The following ARL13B variants were observed in gnomAD, a reference collection of about 807,000 sequenced individuals.
The protein encoded by ARL13B is ADP-ribosylation factor-like protein 13B.
A neutral mutation model predicts 56.1 loss-of-function variants in ARL13B; 36 were observed. That is an observed-to-expected ratio of 0.64 (90% CI 0.49 to 0.85). The LOEUF is 0.85. ARL13B is among the 40% of genes least tolerant of loss of function. The pLI, the probability that ARL13B is intolerant of heterozygous loss-of-function variation, is 0.00. For missense variants in ARL13B, 519 were observed against 507.1 expected, an observed-to-expected ratio of 1.02 and a Z score of -0.23; for synonymous variants, 178 against 171.1, an observed-to-expected ratio of 1.04 and a Z score of -0.32.
At chr3:93,984,568 C>T (rs1435325356) in intron 1 of ARL13B, among the ~76,000 whole-genome samples, 1 of 151,952 alleles carries the variant, frequency 6.6e-6, no homozygotes, top group Non-Finnish European at 1.5e-5. Flanking sequence ...GAGAGGAAGG[C>T]ACACGTGTAA....
At chr3:94,038,592 C>T (rs922964624) in intron 5 of ARL13B, among the ~76,000 whole-genome samples, 1 of 136,524 alleles carries the variant, frequency 7.3e-6, no homozygotes, top group African/African-American at 2.8e-5. Flanking sequence ...GGCGCAGTCT[C>T]GGCGCACTGC....
chr3:94,022,562 T>C (rs2076470880), intron 3 of ARL13B, among the ~76,000 whole-genome samples: 1 of 152,204 alleles, frequency 6.6e-6, no homozygotes, highest in Admixed American at 6.5e-5. Flanking sequence ...ATCAATATTT[T>C]GTGTTTACAT....
Position 94,036,609 on chromosome 3 carries a change from G to A in ARL13B, c.544G>A (p.Gly182Ser). The change falls in exon 5 of 10, where the codon GGC becomes AGC. Residue 182 changes from glycine (G) to serine (S), a missense_variant. Gly to Ser is a moderately conservative substitution (Grantham distance 56). Coordinates refer to ENST00000394222, the MANE Select transcript of ARL13B (RefSeq NM_001174150.2). ...GKKIDKSIKKGLYWLLHVIAR... is the reference protein window; with the variant it reads ...GKKIDKSIKKSLYWLLHVIAR... ...GAAAATTGACAAGTCCATTAAAAAAGGCCTTTATTGGCTGCTACATGTTAT... is the reference window on the plus strand; with the variant it reads ...GAAAATTGACAAGTCCATTAAAAAAAGCCTTTATTGGCTGCTACATGTTAT... 1 of 1,613,880 alleles carries A rather than the reference G, an allele frequency of 6.2e-7. No individual in the cohort carries two copies.
rs145164669 is a variant in ARL13B at position 93,984,121 on chromosome 3, T to C, written c.59+3639T>C. ...CTGTAGTCCCAGCACTTTGGGAGGC[T>C]GAGGTGGGCAGATCACTTGAGGTCA... On this transcript the variant is annotated intron_variant, in intron 1 of 9. Coordinates refer to ENST00000394222, the MANE Select transcript of ARL13B (RefSeq NM_001174150.2). Among the ~76,000 whole-genome samples, 803 of 152,274 alleles carry C rather than the reference T, an allele frequency of 5.3e-3. 8 individuals carry two copies. The highest frequency in any genetic ancestry group is 8.3e-3 in the Non-Finnish European group (567 of 68,008).
chr3:93,997,365 A>G (rs1459219999), intron 2 of ARL13B, among the ~76,000 whole-genome samples: 2 of 152,186 alleles, frequency 1.3e-5, no homozygotes, highest in African/African-American at 2.4e-5. Context: ...GCAGTAAGAT[A>G]TCATGCTTAC....
chr3:94,010,584 TG>T (rs2076207998), intron 3 of ARL13B, among the ~76,000 whole-genome samples: 1 of 152,070 alleles, frequency 6.6e-6, no homozygotes. Flanking sequence ...GAAAAAATAA[TG>T]ACTTTTAGTG....
At chr3:93,997,417 C>G (rs1343675728) in intron 2 of ARL13B, among the ~76,000 whole-genome samples, 1 of 152,152 alleles carries the variant, frequency 6.6e-6, no homozygotes, top group Non-Finnish European at 1.5e-5. Flanking sequence ...GGTTGCAAAA[C>G]TCACTGTTGG....
intron 3 of ARL13B, chr3:94,028,298 A>G (rs1340380996): frequency 6.6e-6 from 1 of 152,206 alleles, no homozygotes; most frequent in Non-Finnish European, 1.5e-5. Flanking sequence ...TTTTAAATGT[A>G]ACAGTGTAAC....
intron 3 of ARL13B, chr3:94,014,592 T>C (rs2076288025): frequency 6.2e-7 from 1 of 1,612,778 alleles, no homozygotes; most frequent in African/African-American, 1.3e-5. Context: ...TTAAATCCTT[T>C]ATTTGGTTCT....
intron 4 of ARL13B, among the ~76,000 whole-genome samples, chr3:94,036,043 A>G (rs1455946263): frequency 6.6e-6 from 1 of 152,196 alleles, no homozygotes; most frequent in Non-Finnish European, 1.5e-5. Context: ...ACTGCACTCC[A>G]GCCTGGCCAA....
At chr3:93,985,007 CTCAATCAATCAA>C (rs71621580) in intron 1 of ARL13B, among the ~76,000 whole-genome samples, 1 of 150,794 alleles carries the variant, frequency 6.6e-6, no homozygotes, top group African/African-American at 2.4e-5. Flanking sequence ...GAAACCCTGT[CTCAATCAATCAA>C]TCAATCAATC....
chr3:94,015,177 T>G, intron 3 of ARL13B: 1 of 1,613,840 alleles, frequency 6.2e-7, no homozygotes, highest in Non-Finnish European at 8.5e-7. Context: ...GAAACACCCC[T>G]TGTTCCTCTG....
Position 94,043,050 on chromosome 3 carries a change from A to C in ARL13B, c.834A>C (p.Gln278His), listed in dbSNP as rs772186970. 1 of 1,611,306 alleles carries C rather than the reference A, an allele frequency of 6.2e-7. No individual in the cohort carries two copies. The highest frequency in any genetic ancestry group is 1.7e-4 in the Middle Eastern group (1 of 6,054). Reference sequence around the variant, plus strand: ...AACTTGAAAGAGAGAAAAAAAACCAAAAAATGGAGAAAGACAGTGATGGCT... The same window carrying C: ...AACTTGAAAGAGAGAAAAAAAACCACAAAATGGAGAAAGACAGTGATGGCT... ...EGKLEREKKN[Q>H]KMEKDSDGCH... Residue 278 changes from glutamine (Q) to histidine (H), a missense_variant, in exon 7 of 10, where the codon CAA becomes CAC. Coordinates refer to ENST00000394222, the MANE Select transcript of ARL13B (RefSeq NM_001174150.2).
At chr3:93,985,800 G>T (rs1349608838) in intron 1 of ARL13B, among the ~76,000 whole-genome samples, 1 of 152,062 alleles carries the variant, frequency 6.6e-6, no homozygotes, top group Non-Finnish European at 1.5e-5. Flanking sequence ...GTCCATCTGT[G>T]TTTTTTCAGC....
At chr3:94,035,941 G>A (rs2076759801) in intron 4 of ARL13B, among the ~76,000 whole-genome samples, 1 of 152,042 alleles carries the variant, frequency 6.6e-6, no homozygotes, top group Admixed American at 6.6e-5. Flanking sequence ...GTGTGGTAGT[G>A]TGTTCCTGTA....
chr3:93,996,606 A>G (rs1165694230), intron 2 of ARL13B: 9 of 441,694 alleles, frequency 2.0e-5, no homozygotes, highest in African/African-American at 1.4e-4. Context: ...TGGAATGCCT[A>G]GCCTCAAGCT....
At chr3:94,005,226 A>G (rs2076115200) in intron 3 of ARL13B, among the ~76,000 whole-genome samples, 1 of 152,208 alleles carries the variant, frequency 6.6e-6, no homozygotes, top group Non-Finnish European at 1.5e-5. Context: ...AGGAGCTTAC[A>G]TTCTAGGGGG....
chr3:94,051,398 T>C (rs2077065353), intron 9 of ARL13B, among the ~76,000 whole-genome samples: 1 of 152,082 alleles, frequency 6.6e-6, no homozygotes, highest in African/African-American at 2.4e-5. Flanking sequence ...CTAATAAAGT[T>C]CGACTAAGTA....
chr3:94,033,165 T>C (rs1437922168), intron 3 of ARL13B, among the ~76,000 whole-genome samples: 1 of 152,180 alleles, frequency 6.6e-6, no homozygotes, highest in Non-Finnish European at 1.5e-5. Flanking sequence ...TTAAATAATG[T>C]GTACACATTG....
Sources: gnomAD v4.1 joint callset for allele counts (sites outside exome capture counted in the v4.1 genomes callset) on GRCh38, gnomAD v4.1.1 for gene constraint, MANE v1.5 for transcripts, NCBI Gene and HGNC (gene_info 2026-07-23, HGNC 2026-07-21) for gene names.